C8orf34: variants seen among roughly 807,000 people sequenced by gnomAD.
C8orf34 encodes the protein chromosome 8 open reading frame 34, also known as uncharacterized protein C8orf34.
A neutral mutation model predicts 68.3 loss-of-function variants in C8orf34; 65 were observed. The observed-to-expected ratio is 0.95, with a 90% CI of 0.78 to 1.17. C8orf34 has a LOEUF of 1.17. C8orf34 is among the 50% of genes most tolerant of loss of function. The pLI, the probability that C8orf34 is intolerant of heterozygous loss-of-function variation, is 0.00. For missense variants in C8orf34, 664 were observed against 655.4 expected, an observed-to-expected ratio of 1.01 and a Z score of -0.14; for synonymous variants, 244 against 241.2, an observed-to-expected ratio of 1.01 and a Z score of -0.11.
chr8:68,638,952 G>A (rs777726410), intron 7 of C8orf34, among the ~76,000 whole-genome samples: 10 of 152,054 alleles, frequency 6.6e-5, no homozygotes, highest in African/African-American at 2.4e-4. Context: ...GGGAAATCAC[G>A]GGTTCACTTC....
intron 1 of C8orf34, among the ~76,000 whole-genome samples, chr8:68,410,318 A>G (rs570932338): frequency 3.6e-4 from 55 of 152,180 alleles, no homozygotes; most frequent in Admixed American, 8.5e-4. Flanking sequence ...AAAAGTATTT[A>G]GAAGAAAACC....
chr8:68,506,148 ACACT>A (rs987820931), intron 5 of C8orf34, among the ~76,000 whole-genome samples: 43 of 152,214 alleles, frequency 2.8e-4, no homozygotes, highest in Non-Finnish European at 4.0e-4. Context: ...GCACACACAC[ACACT>A]CAGATACAAA....
At chr8:68,413,356 G>T (rs1165165784) in intron 1 of C8orf34, among the ~76,000 whole-genome samples, 1 of 152,172 alleles carries the variant, frequency 6.6e-6, no homozygotes, top group East Asian at 1.9e-4. Flanking sequence ...TTTCTATTTT[G>T]TTCACTGACT....
chr8:68,536,904 G>A (rs1329415543), intron 7 of C8orf34, among the ~76,000 whole-genome samples: 1 of 152,070 alleles, frequency 6.6e-6, no homozygotes, highest in Non-Finnish European at 1.5e-5. Flanking sequence ...AAGAACAAGT[G>A]TAATTATACT....
chr8:68,508,032 C>T (rs1223504996), intron 5 of C8orf34, among the ~76,000 whole-genome samples: 4 of 152,070 alleles, frequency 2.6e-5, no homozygotes, highest in Admixed American at 6.5e-5. Context: ...CTGGCAAGGC[C>T]GTGAATTTAA....
At chr8:68,378,110 C>T (rs1057055881) in intron 1 of C8orf34, among the ~76,000 whole-genome samples, 3 of 152,062 alleles carry the variant, frequency 2.0e-5, no homozygotes, top group South Asian at 2.1e-4. Flanking sequence ...ACAGCCAAAC[C>T]GTATCAGGCA....
chr8:68,367,684 G>A (rs1431079307), intron 1 of C8orf34, among the ~76,000 whole-genome samples: 4 of 142,814 alleles, frequency 2.8e-5, no homozygotes, highest in African/African-American at 1.1e-4. Context: ...TCACTCATAG[G>A]TGGGAATTGA....
At chr8:68,458,591 G>A (rs1348335690) in intron 3 of C8orf34, among the ~76,000 whole-genome samples, 1 of 152,112 alleles carries the variant, frequency 6.6e-6, no homozygotes, top group Non-Finnish European at 1.5e-5. Flanking sequence ...ATTCAAAGAG[G>A]GTTAACAAAA....
In C8orf34 at chr8:68,340,253, T is replaced by A. The variant is rs138749812; in HGVS notation, c.327+8914T>A. On this transcript the variant is annotated intron_variant, in intron 1 of 13. Transcript: ENST00000518698. ...AATTGAAAATAGGTGGATTGATACG[T>A]TATTGGATAAAAAATTTGCATACAT... is the stretch of plus-strand genomic sequence containing the variant. Among the ~76,000 whole-genome samples the A allele has an allele frequency of 3.0e-3, 450 of 152,186 alleles. 5 individuals carry two copies. The highest frequency in any genetic ancestry group is 0.01 in the African/African-American group (430 of 41,558).
At chr8:68,429,724 A>G (rs1810375283) in intron 1 of C8orf34, among the ~76,000 whole-genome samples, 1 of 152,252 alleles carries the variant, frequency 6.6e-6, no homozygotes, top group Admixed American at 6.5e-5. Flanking sequence ...GTATATGCAC[A>G]TATCATGGGC....
At chr8:68,395,377 A>T (rs1808658233) in intron 1 of C8orf34, among the ~76,000 whole-genome samples, 1 of 151,426 alleles carries the variant, frequency 6.6e-6, no homozygotes, top group Non-Finnish European at 1.5e-5. Context: ...ACACACACAC[A>T]CACACACACA....
intron 12 of C8orf34, among the ~76,000 whole-genome samples, chr8:68,793,627 A>G (rs971960792): frequency 6.6e-6 from 1 of 152,208 alleles, no homozygotes; most frequent in Non-Finnish European, 1.5e-5. Context: ...GAACACATGG[A>G]CACATGCAGG....
At chr8:68,729,253 G>A (rs919287677) in intron 10 of C8orf34, among the ~76,000 whole-genome samples, 3 of 152,136 alleles carry the variant, frequency 2.0e-5, no homozygotes, top group African/African-American at 7.2e-5. Context: ...AGTCCCTCCT[G>A]TATTTCTATT....
chr8:68,341,253 A>G (rs1411089524), intron 1 of C8orf34, among the ~76,000 whole-genome samples: 2 of 152,272 alleles, frequency 1.3e-5, no homozygotes, highest in East Asian at 1.9e-4. Context: ...AAGGATGCCA[A>G]TCCCGTTCAT....
chr8:68,482,156 T>C (rs1012077062), intron 4 of C8orf34, among the ~76,000 whole-genome samples: 1 of 152,226 alleles, frequency 6.6e-6, no homozygotes, highest in African/African-American at 2.4e-5. Context: ...TGAGATCTAA[T>C]AGGTTTATCA....
intron 5 of C8orf34, among the ~76,000 whole-genome samples, chr8:68,511,227 T>C (rs750880458): frequency 1.8e-4 from 27 of 152,358 alleles, no homozygotes; most frequent in Middle Eastern, 3.4e-3. Context: ...CAATTTTTAC[T>C]TCTATAGAAT....
intron 1 of C8orf34, among the ~76,000 whole-genome samples, chr8:68,381,815 A>AT (rs1206334570): frequency 6.0e-5 from 9 of 149,474 alleles, no homozygotes; most frequent in Non-Finnish European, 1.0e-4. Context: ...CATTCCATTT[A>AT]TTTTTTCTTT....
chr8:68,424,068 C>CTT (rs112184639), intron 1 of C8orf34, among the ~76,000 whole-genome samples: 105 of 152,220 alleles, frequency 6.9e-4, no homozygotes, highest in African/African-American at 2.3e-3. Flanking sequence ...GTGCCCCTGC[C>CTT]TTCCATGAAA....
At chr8:68,399,788 C>T (rs550552549) in intron 1 of C8orf34, among the ~76,000 whole-genome samples, 10 of 152,200 alleles carry the variant, frequency 6.6e-5, no homozygotes, top group African/African-American at 2.2e-4. Context: ...AGTGTGTAAG[C>T]GTTCCCTTTT....
Sources: gnomAD v4.1 joint callset for allele counts (sites outside exome capture counted in the v4.1 genomes callset) on GRCh38, gnomAD v4.1.1 for gene constraint, MANE v1.5 for transcripts, NCBI Gene and HGNC (gene_info 2026-07-23, HGNC 2026-07-21) for gene names.